SPOCK2: variants seen among roughly 807,000 people sequenced by gnomAD.
The protein encoded by SPOCK2 is testican-2.
In SPOCK2, 39 loss-of-function variants were observed where a neutral mutation model predicts 60.1. That is an observed-to-expected ratio of 0.65 (90% CI 0.50 to 0.85). SPOCK2 has a LOEUF of 0.85. Ranked by LOEUF, SPOCK2 falls within the 40% of genes least tolerant of loss-of-function variation. The pLI, the probability that SPOCK2 is intolerant of heterozygous loss-of-function variation, is 0.00. For synonymous variants in SPOCK2, 217 were observed against 231.5 expected, an observed-to-expected ratio of 0.94 and a Z score of 0.57; for missense variants, 523 against 567.4, an observed-to-expected ratio of 0.92 and a Z score of 0.80.
At chr10:72,066,588 C>A (rs952813105) in intron 8 of SPOCK2, among the ~76,000 whole-genome samples, 1 of 151,850 alleles carries the variant, frequency 6.6e-6, no homozygotes, top group African/African-American at 2.4e-5. Context: ...GATCCTCCCA[C>A]CTTGGCCTCC....
rs1462022640 is a variant in SPOCK2, at chr10:72,088,322, C to CGCG, written c.4_6dup (p.Arg2dup). The CGCG allele has an allele frequency of 2.5e-6, 4 of 1,576,390 alleles. No homozygotes were observed. Among genetic ancestry groups the CGCG allele is most frequent in the Non-Finnish European group, 3.4e-6 (4 of 1,165,188 alleles). On this transcript the variant is annotated inframe_insertion, in exon 1 of 11. Coordinates refer to ENST00000373109, the MANE Select transcript of SPOCK2 (RefSeq NM_001244950.2). ...AGCACCAGCCGCCCGCAGCCCGGGG[C>CGCG]GCGCATCGTGGTCTGGGTTCGACCT...
At chr10:72,073,933 C>T (rs1840681967) in intron 1 of SPOCK2, among the ~76,000 whole-genome samples, 1 of 152,226 alleles carries the variant, frequency 6.6e-6, no homozygotes, top group Non-Finnish European at 1.5e-5. Flanking sequence ...AAGGAGGGGG[C>T]TTCCCAGGCC....
chr10:72,077,659 A>C (rs1363476209), intron 1 of SPOCK2, among the ~76,000 whole-genome samples: 3 of 152,154 alleles, frequency 2.0e-5, no homozygotes, highest in Admixed American at 2.0e-4. Flanking sequence ...TGGGATGAAA[A>C]AGAACAGCCA....
chr10:72,087,995 C>T lies in SPOCK2; in HGVS notation c.189+145G>A. On this transcript the variant is annotated intron_variant, in intron 1 of 10. Coordinates refer to ENST00000373109, the MANE Select transcript of SPOCK2 (RefSeq NM_001244950.2). The surrounding 1 kb of genome is among the most constrained non-coding windows in gnomAD (Gnocchi z 4.7). ...GGGAGGGGCGCTGGGCTGTGACCCC[C>T]AGTACTGTTTACTTTCCGTGTAATT... 1 of 1,067,420 alleles carries T rather than the reference C, an allele frequency of 9.4e-7. No individual in the cohort carries two copies. The highest frequency in any genetic ancestry group is 2.3e-5 in the Admixed American group (1 of 43,046). 66.1% of individuals were successfully genotyped at this position (1,067,420 alleles called of 1,614,324 possible). A position where few individuals can be genotyped will look rare whatever the true frequency, so the allele number is the denominator to read the frequency against.
chr10:72,076,848 G>A (rs1420607318), intron 1 of SPOCK2, among the ~76,000 whole-genome samples: 1 of 152,256 alleles, frequency 6.6e-6, no homozygotes, highest in Non-Finnish European at 1.5e-5. Flanking sequence ...AAGGCTCAGA[G>A]AGGCAGAGCA....
intron 1 of SPOCK2, among the ~76,000 whole-genome samples, chr10:72,081,464 G>A (rs1840783297): frequency 1.3e-5 from 2 of 152,208 alleles, no homozygotes; most frequent in South Asian, 4.1e-4. Flanking sequence ...GGAGGGGGCT[G>A]GACGCCCCAC....
chr10:72,082,833 G>A, intron 1 of SPOCK2, among the ~76,000 whole-genome samples: 1 of 128,378 alleles, frequency 7.8e-6, no homozygotes, highest in Non-Finnish European at 1.6e-5. Flanking sequence ...CAACCTGGGT[G>A]ACAGAGTGAG....
At chr10:72,068,431 A>G in intron 5 of SPOCK2, 130 bp from the exon 6 acceptor site, 1 of 964,062 alleles carries the variant, frequency 1.0e-6, no homozygotes, top group Non-Finnish European at 1.5e-6. Flanking sequence ...GAACAGCCTG[A>G]AGGGTCCTCT....
At chr10:72,082,743 A>C (rs1294847468) in intron 1 of SPOCK2, among the ~76,000 whole-genome samples, 1 of 150,926 alleles carries the variant, frequency 6.6e-6, no homozygotes, top group Non-Finnish European at 1.5e-5. Flanking sequence ...GATCCCAGCT[A>C]CTTGGGAGGC....
At chr10:72,080,040 G>T (rs1840762733) in intron 1 of SPOCK2, among the ~76,000 whole-genome samples, 1 of 152,112 alleles carries the variant, frequency 6.6e-6, no homozygotes, top group Non-Finnish European at 1.5e-5. Flanking sequence ...CACAAGACAG[G>T]ACACCTGAAC....
intron 1 of SPOCK2, chr10:72,086,763 T>C: frequency 2.1e-6 from 3 of 1,462,058 alleles, no homozygotes; most frequent in Non-Finnish European, 2.7e-6. Context: ...CCTGCTGTCC[T>C]CTGTGAATTA....
Position 72,072,547 on chromosome 10 carries a change from T to C in SPOCK2, c.200A>G (p.Asp67Gly). The C allele has an allele frequency of 6.2e-7, 1 of 1,613,908 alleles. No homozygotes were observed. Among genetic ancestry groups the C allele is most frequent in the Non-Finnish European group, 8.5e-7 (1 of 1,179,994 alleles). ...HWNRFRDEVEDDYIKSWEDNQ... is the reference protein window; with the variant it reads ...HWNRFRDEVEGDYIKSWEDNQ... ...GTCCTCCCAGCTCTTGATATAGTCA[T>C]CCTAGAGGACAGAGAGGGACAAGGG... Residue 67 changes from aspartate (D) to glycine (G), a missense_variant and splice_region_variant, in exon 3 of 11, where the codon GAT becomes GGT. By Grantham distance (94) the Asp-to-Gly change is moderately conservative. Coordinates refer to ENST00000373109, the MANE Select transcript of SPOCK2 (RefSeq NM_001244950.2).
intron 1 of SPOCK2, among the ~76,000 whole-genome samples, chr10:72,078,611 C>G (rs1284145481): frequency 3.9e-5 from 6 of 152,076 alleles, no homozygotes; most frequent in Non-Finnish European, 7.4e-5. Context: ...GGTTCCCAGT[C>G]ACCTACAGAA....
At chr10:72,071,014 C>G (rs911345105) in intron 4 of SPOCK2, among the ~76,000 whole-genome samples, 3 of 152,142 alleles carry the variant, frequency 2.0e-5, no homozygotes, top group Non-Finnish European at 4.4e-5. Flanking sequence ...ACCAAGCACT[C>G]TTCATGCATT....
At position 72,066,941 on chromosome 10, in the gene SPOCK2, C is replaced by G; in HGVS notation, c.889G>C (p.Val297Leu). Reference sequence around the variant, plus strand: ...CAGAAGCACCACTCAGCAGTAGAGACCCGGCCATCCTTGTAGGTGTCACAG... The same window carrying G: ...CAGAAGCACCACTCAGCAGTAGAGAGCCGGCCATCCTTGTAGGTGTCACAG... ...NSCDTYKDGR[V>L]STAEWCFCFW... The change falls in exon 8 of 11, where the codon GTC (valine) becomes CTC (leucine). Residue 297 changes from valine (V) to leucine (L), a missense_variant. Transcript: ENST00000373109. The G allele has an allele frequency of 6.2e-7, 1 of 1,614,206 alleles. No homozygotes were observed.
intron 1 of SPOCK2, among the ~76,000 whole-genome samples, chr10:72,084,207 C>T (rs993826114): frequency 2.0e-5 from 3 of 152,200 alleles, no homozygotes; most frequent in African/African-American, 7.2e-5. Context: ...AAATGAGGAC[C>T]CATCTGGTGG....
chr10:72,067,627 G>A lies in SPOCK2; in HGVS notation c.695C>T (p.Ala232Val), dbSNP rs1477108464. 8.1e-6 allele frequency: 13 copies of A among 1,612,948 alleles called. No homozygotes were observed. Among genetic ancestry groups the A allele is most frequent in the Non-Finnish European group, 1.1e-5 (13 of 1,180,010 alleles). ...AAGCTTCCTACCGCTGGCCGGGCCGGCTACACTGCTGGCTGAGCCATTCTG... is the reference window on the plus strand; with the variant it reads ...AAGCTTCCTACCGCTGGCCGGGCCGACTACACTGCTGGCTGAGCCATTCTG... ...SKQNGSASSV[A>V]GPASGLDKSL... The change falls in exon 7 of 11, where the codon GCC (alanine) becomes GTC (valine). Residue 232 changes from alanine to valine, a missense_variant. Coordinates refer to ENST00000373109, the MANE Select transcript of SPOCK2 (RefSeq NM_001244950.2).
intron 5 of SPOCK2, chr10:72,068,927 G>A (rs570653191): frequency 2.5e-4 from 38 of 152,508 alleles, no homozygotes; most frequent in African/African-American, 8.2e-4. Context: ...TCATCACAGC[G>A]CTCGACAACA....
chr10:72,079,756 C>T (rs1248382984), intron 1 of SPOCK2, among the ~76,000 whole-genome samples: 1 of 152,150 alleles, frequency 6.6e-6, no homozygotes, highest in Non-Finnish European at 1.5e-5. Flanking sequence ...CAGACCCTGG[C>T]TTATGGGGTC....
Sources: gnomAD v4.1 joint callset for allele counts (sites outside exome capture counted in the v4.1 genomes callset) on GRCh38, gnomAD v4.1.1 for gene constraint, Gnocchi (gnomAD v3.1) non-coding constraint, MANE v1.5 for transcripts, NCBI Gene and HGNC (gene_info 2026-07-23, HGNC 2026-07-21) for gene names.